Variants in PPP1R42 observed in about 807,000 individuals in gnomAD.
PPP1R42 encodes the protein leucine rich repeat containing 67.
A neutral mutation model predicts 31.0 loss-of-function variants in PPP1R42; 34 were observed. That is an observed-to-expected ratio of 1.10 (90% CI 0.83 to 1.46). The LOEUF (loss-of-function observed/expected upper bound fraction) is 1.46, where lower values mean the gene tolerates loss of function less well. Ranked by LOEUF, PPP1R42 falls within the 40% of genes most tolerant of loss-of-function variation. The pLI is 0.00. For synonymous variants in PPP1R42, 103 were observed against 109.8 expected (o/e 0.94, Z 0.39); for missense variants, 268 against 303.0 (o/e 0.88, Z 0.86).
intron 1 of PPP1R42, among the ~76,000 whole-genome samples, chr8:67,023,349 A>G (rs1230512212): frequency 1.3e-5 from 2 of 152,248 alleles, no homozygotes; most frequent in South Asian, 2.1e-4. Flanking sequence ...GGCGAAAGCA[A>G]TCCACCTGCC....
Position 66,984,779 on chromosome 8 carries a change from G to A in PPP1R42, c.671-2599C>T, listed in dbSNP as rs565454906. 19 of 1,608,514 alleles carry A rather than the reference G, an allele frequency of 1.2e-5. No homozygotes were observed. The East Asian group carries it at 2.0e-4, about 17-fold the overall frequency. On this transcript the variant is annotated intron_variant, in intron 6 of 7. Transcript: ENST00000685739. ...TGAACAGCTTCTGTTCCTAATACTC[G>A]CATCAAATTAGAAATTCTCACTTTG...
chr8:66,984,664 G>T, intron 6 of PPP1R42: 1 of 1,463,516 alleles, frequency 6.8e-7, no homozygotes, highest in Non-Finnish European at 9.6e-7. Context: ...GTGTTTTGCT[G>T]TGAGTTTTCA....
intron 7 of PPP1R42, among the ~76,000 whole-genome samples, chr8:66,973,244 T>C (rs1475637842): frequency 1.3e-5 from 2 of 152,016 alleles, no homozygotes; most frequent in Non-Finnish European, 2.9e-5. Flanking sequence ...TTTTAAAAAT[T>C]GTAGCAAAAC....
At chr8:67,004,728 T>C (rs2129536696) in intron 5 of PPP1R42, among the ~76,000 whole-genome samples, 1 of 152,336 alleles carries the variant, frequency 6.6e-6, no homozygotes, top group Non-Finnish European at 1.5e-5. Context: ...TTCGGAATTC[T>C]TTCTTTTTGT....
At chr8:66,981,367 T>C (rs945498817) in intron 7 of PPP1R42, among the ~76,000 whole-genome samples, 5 of 151,604 alleles carry the variant, frequency 3.3e-5, no homozygotes, top group Non-Finnish European at 7.4e-5. Context: ...TGATGAAAAA[T>C]GTGATTTTTG....
At chr8:67,014,820 C>G (rs796262209) in intron 2 of PPP1R42, among the ~76,000 whole-genome samples, 21 of 152,122 alleles carry the variant, frequency 1.4e-4, no homozygotes, top group African/African-American at 5.1e-4. Flanking sequence ...ATCAATAAAA[C>G]TGGAATTGTT....
intron 7 of PPP1R42, among the ~76,000 whole-genome samples, chr8:66,967,088 C>T (rs1042697621): frequency 9.9e-5 from 15 of 152,154 alleles, no homozygotes; most frequent in Non-Finnish European, 1.6e-4. Flanking sequence ...GCAATCCTCT[C>T]ACCTTAGCCT....
At chr8:66,985,909 T>C (rs1814995460) in intron 6 of PPP1R42, 1 of 895,160 alleles carries the variant, frequency 1.1e-6, no homozygotes, top group Admixed American at 2.0e-5. Flanking sequence ...TCTTTACTCC[T>C]GATGATTCCT....
intron 7 of PPP1R42, among the ~76,000 whole-genome samples, chr8:66,969,999 C>A (rs990278010): frequency 2.0e-5 from 3 of 152,152 alleles, no homozygotes; most frequent in Non-Finnish European, 4.4e-5. Context: ...ACATTTGACT[C>A]CCCAGCTAGC....
At chr8:67,013,877 G>C (rs1815919630) in intron 3 of PPP1R42, among the ~76,000 whole-genome samples, 1 of 152,318 alleles carries the variant, frequency 6.6e-6, no homozygotes, top group East Asian at 1.9e-4. Context: ...CCGTTTCTTT[G>C]AGGAGCATGA....
intron 1 of PPP1R42, among the ~76,000 whole-genome samples, chr8:67,018,880 A>G (rs1816112728): frequency 7.9e-6 from 1 of 127,112 alleles, no homozygotes; most frequent in African/African-American, 3.1e-5. Context: ...CCCAGGCTGG[A>G]GTGCAGTGGC....
At chr8:66,988,007 A>G in intron 6 of PPP1R42, 1 of 362,210 alleles carries the variant, frequency 2.8e-6, no homozygotes. Flanking sequence ...AACATTTGGC[A>G]AATGTCAAGC....
intron 7 of PPP1R42, among the ~76,000 whole-genome samples, chr8:66,975,796 A>G (rs1161610103): frequency 1.3e-5 from 2 of 152,262 alleles, no homozygotes; most frequent in Non-Finnish European, 2.9e-5. Flanking sequence ...GTTGCAATAC[A>G]TATAATGTAT....
intron 7 of PPP1R42, among the ~76,000 whole-genome samples, chr8:66,971,702 A>C (rs569207562): frequency 6.6e-6 from 1 of 152,358 alleles, no homozygotes; most frequent in African/African-American, 2.4e-5. Flanking sequence ...AAGGGCTAAA[A>C]GATGTGAGTA....
intron 5 of PPP1R42, among the ~76,000 whole-genome samples, chr8:67,001,838 C>T (rs778641128): frequency 6.6e-6 from 1 of 152,182 alleles, no homozygotes; most frequent in Non-Finnish European, 1.5e-5. Context: ...TTGCACACAT[C>T]AGTGATCCCA....
At chr8:66,985,336 G>T in intron 6 of PPP1R42, 1 of 792,634 alleles carries the variant, frequency 1.3e-6, no homozygotes, top group Non-Finnish European at 2.2e-6. Context: ...TTTTCTTTTA[G>T]CTGTTGCTTG....
At chr8:66,996,360 G>A (rs1224493457) in intron 5 of PPP1R42, among the ~76,000 whole-genome samples, 1 of 152,182 alleles carries the variant, frequency 6.6e-6, no homozygotes, top group Non-Finnish European at 1.5e-5. Flanking sequence ...CCAAGTTTCA[G>A]TGACTATATT....
chr8:67,004,243 T>A (rs1815603284), intron 5 of PPP1R42, among the ~76,000 whole-genome samples: 1 of 152,238 alleles, frequency 6.6e-6, no homozygotes, highest in Non-Finnish European at 1.5e-5. Context: ...CGCAAGGCTC[T>A]ATCTTGGAAG....
intron 5 of PPP1R42, among the ~76,000 whole-genome samples, chr8:67,005,448 T>TA (rs754817558): frequency 2.0e-5 from 3 of 152,210 alleles, no homozygotes; most frequent in Non-Finnish European, 4.4e-5. Context: ...GACTTTTAAA[T>TA]ATCATGTAAA....
Sources: allele counts gnomAD v4.1 joint callset (sites outside exome capture counted in the v4.1 genomes callset), GRCh38; gene constraint gnomAD v4.1.1; transcripts MANE v1.5; gene names NCBI Gene and HGNC (gene_info 2026-07-23, HGNC 2026-07-21).